RORA: variants seen among roughly 807,000 people sequenced by gnomAD.
RORA encodes nuclear receptor ROR-alpha.
RORA carries 7 observed loss-of-function variants against 69.5 expected under a neutral mutation model. The observed-to-expected ratio is 0.10, with a 90% CI of 0.06 to 0.19. The LOEUF (loss-of-function observed/expected upper bound fraction) is 0.19. Ranked by LOEUF, RORA falls within the 10% of genes least tolerant of loss-of-function variation. RORA has a pLI of 1.00. For missense variants in RORA, 457 were observed against 663.0 expected (o/e 0.69, Z 3.41); for synonymous variants, 261 against 240.8 (o/e 1.08, Z -0.78).
chr15:61,086,665 C>A (rs997404137), intron 1 of RORA, among the ~76,000 whole-genome samples: 2 of 151,910 alleles, frequency 1.3e-5, no homozygotes, highest in African/African-American at 4.8e-5. Flanking sequence ...ATAAGGGGTC[C>A]TTTCCCAAAA....
At chr15:60,851,092 T>G (rs17204545) in intron 1 of RORA, among the ~76,000 whole-genome samples, 21,192 of 152,134 alleles carry the variant, frequency 0.14, 1,880 homozygotes, top group Non-Finnish European at 0.19. Context: ...GTTAAGCGCT[T>G]TGCGAGGTGG....
intron 1 of RORA, among the ~76,000 whole-genome samples, chr15:61,076,689 G>A (rs2078454718): frequency 6.6e-6 from 1 of 152,190 alleles, no homozygotes; most frequent in African/African-American, 2.4e-5. Flanking sequence ...CTGTGCAGAT[G>A]TTACAACTGT....
chr15:60,664,368 C>T (rs2070350824), intron 2 of RORA, among the ~76,000 whole-genome samples: 2 of 152,286 alleles, frequency 1.3e-5, no homozygotes, highest in South Asian at 4.1e-4. Flanking sequence ...TTTGATTGCA[C>T]TTGGCTGTGT....
At chr15:60,565,318 T>A (rs2140435076) in intron 2 of RORA, among the ~76,000 whole-genome samples, 1 of 152,352 alleles carries the variant, frequency 6.6e-6, no homozygotes, top group East Asian at 1.9e-4. Context: ...AGTGTTGGTT[T>A]CAGATAGTGC....
intron 1 of RORA, among the ~76,000 whole-genome samples, chr15:61,108,324 T>A (rs953877060): frequency 1.3e-4 from 20 of 152,360 alleles, no homozygotes; most frequent in Admixed American, 5.9e-4. Context: ...TGATTTTTTT[T>A]AATATTAGTT....
intron 2 of RORA, among the ~76,000 whole-genome samples, chr15:60,647,006 T>C (rs1172876942): frequency 1.3e-5 from 2 of 152,240 alleles, no homozygotes; most frequent in African/African-American, 4.8e-5. Flanking sequence ...GAGGTGTTTA[T>C]GACCTGGAAG....
At chr15:60,966,309 T>A (rs932767430) in intron 1 of RORA, among the ~76,000 whole-genome samples, 2 of 152,208 alleles carry the variant, frequency 1.3e-5, no homozygotes, top group Non-Finnish European at 2.9e-5. Context: ...CTTCAACATA[T>A]GAATTTTGTG....
intron 2 of RORA, among the ~76,000 whole-genome samples, chr15:60,662,451 T>C (rs1013286819): frequency 2.0e-5 from 3 of 152,248 alleles, no homozygotes; most frequent in Non-Finnish European, 4.4e-5. Flanking sequence ...TTTGTTCCTA[T>C]ATGAATACAT....
intron 2 of RORA, chr15:60,627,571 G>C: frequency 7.7e-7 from 1 of 1,304,716 alleles, no homozygotes. Context: ...AAAGAATGAG[G>C]TACTTACAAT....
intron 1 of RORA, among the ~76,000 whole-genome samples, chr15:61,188,481 T>C (rs2140912249): frequency 6.6e-6 from 1 of 152,220 alleles, no homozygotes; most frequent in South Asian, 2.1e-4. Flanking sequence ...CTGGAGGGAA[T>C]ATTTTAAAAA....
intron 1 of RORA, among the ~76,000 whole-genome samples, chr15:61,211,646 G>A (rs897075572): frequency 3.3e-5 from 5 of 152,310 alleles, no homozygotes; most frequent in Admixed American, 2.6e-4. Flanking sequence ...AGAGCTCACC[G>A]AAAACAACAG....
chr15:60,693,976 C>A (rs958779780), intron 1 of RORA, among the ~76,000 whole-genome samples: 1 of 152,044 alleles, frequency 6.6e-6, no homozygotes, highest in African/African-American at 2.4e-5. Flanking sequence ...TAATAGGAGC[C>A]CGTATAGCCA....
At chr15:61,066,046 T>C (rs77148215) in intron 1 of RORA, among the ~76,000 whole-genome samples, 138 of 152,334 alleles carry the variant, frequency 9.1e-4, no homozygotes, top group African/African-American at 3.2e-3. Flanking sequence ...TTTACTTATG[T>C]CTATTTGTCT....
At chr15:60,869,587 C>A (rs141909494) in intron 1 of RORA, among the ~76,000 whole-genome samples, 122 of 152,296 alleles carry the variant, frequency 8.0e-4, no homozygotes, top group African/African-American at 2.6e-3. Context: ...TCTGATGGCA[C>A]ACAATGTCCG....
chr15:60,794,056 T>G (rs2072455463), intron 1 of RORA, among the ~76,000 whole-genome samples: 1 of 152,192 alleles, frequency 6.6e-6, no homozygotes, highest in Non-Finnish European at 1.5e-5. Context: ...TTGGCAGCCT[T>G]TTTACAATTC....
At chr15:60,930,368 C>T (rs980296359) in intron 1 of RORA, among the ~76,000 whole-genome samples, 1 of 152,086 alleles carries the variant, frequency 6.6e-6, no homozygotes, top group African/African-American at 2.4e-5. Flanking sequence ...TCTATATAAG[C>T]CGAGAGACAG....
At chr15:60,634,234 C>T (rs1189216376) in intron 2 of RORA, among the ~76,000 whole-genome samples, 16 of 152,236 alleles carry the variant, frequency 1.1e-4, no homozygotes, top group Admixed American at 9.8e-4. Flanking sequence ...CATGCACATT[C>T]TCATTAAAAA....
At chr15:60,890,893 G>A (rs1038370943) in intron 1 of RORA, among the ~76,000 whole-genome samples, 1 of 152,186 alleles carries the variant, frequency 6.6e-6, no homozygotes, top group African/African-American at 2.4e-5. Context: ...TTAATGCAGT[G>A]CTCTCTCTGA....
chr15:60,729,794 T>C (rs558865230), intron 1 of RORA, among the ~76,000 whole-genome samples: 8 of 152,352 alleles, frequency 5.3e-5, no homozygotes, highest in African/African-American at 1.7e-4. Context: ...ATCTAAAATA[T>C]GAAGTCTAAT....
Sources: allele counts gnomAD v4.1 joint callset (sites outside exome capture counted in the v4.1 genomes callset), GRCh38; gene constraint gnomAD v4.1.1; transcripts MANE v1.5; gene names NCBI Gene and HGNC (gene_info 2026-07-23, HGNC 2026-07-21).